BDNF: variants seen among roughly 807,000 people sequenced by gnomAD.
BDNF encodes neurotrophic factor BDNF precursor form.
Under a neutral mutation model 19.5 loss-of-function variants are expected in BDNF, and 1 was observed. That is an observed-to-expected ratio of 0.05 (90% CI 0.02 to 0.24). The LOEUF is 0.24. Ranked by LOEUF, BDNF falls within the 10% of genes least tolerant of loss-of-function variation. BDNF has a pLI of 1.00. For synonymous variants in BDNF, 100 were observed against 121.6 expected (o/e 0.82, Z 1.17); for missense variants, 195 against 317.6 (o/e 0.61, Z 2.93).
chr11:27,701,148 T>C, upstream of BDNF: 1 of 1,235,956 alleles, frequency 8.1e-7, no homozygotes, highest in Non-Finnish European at 1.1e-6. Context: ...ATAACAGCAT[T>C]TTTTATTGAT....
chr11:27,680,761 G>T (rs997074538), intron 1 of BDNF, among the ~76,000 whole-genome samples: 2 of 152,146 alleles, frequency 1.3e-5, no homozygotes, highest in Admixed American at 6.6e-5. Context: ...GCTTCTCTGG[G>T]ATAAGGACTA....
intron 1 of BDNF, among the ~76,000 whole-genome samples, chr11:27,692,203 A>G (rs1858387252): frequency 6.6e-6 from 1 of 152,250 alleles, no homozygotes; most frequent in Non-Finnish European, 1.5e-5. Context: ...TTTATGGACT[A>G]TAAATAAGGA....
chr11:27,674,378 T>TTA, intron 1 of BDNF: 3 of 1,498,354 alleles, frequency 2.0e-6, no homozygotes, highest in Non-Finnish European at 2.7e-6. Flanking sequence ...TACTTGTAGC[T>TTA]TAATGCAGGA....
chr11:27,658,780 A>AT lies in BDNF; in HGVS notation c.-21-196_-21-195insA. 1.4e-6 allele frequency: 2 copies of AT among 1,455,450 alleles called. No homozygotes were observed. Among genetic ancestry groups the AT allele is most frequent in the South Asian group, 3.0e-5 (2 of 67,382 alleles). The allele number at this position is 1,455,450 out of a possible 1,614,324, so 90.2% of individuals were successfully genotyped here. A position where few individuals can be genotyped will look rare whatever the true frequency, so the allele number is the denominator to read the frequency against. Reference sequence around the variant, plus strand: ...TGCTGTATGTGGTTTAATATAAACCAGAGACATGCAGTGTTTCCCCCAAGA... The same window carrying AT: ...TGCTGTATGTGGTTTAATATAAACCATGAGACATGCAGTGTTTCCCCCAAGA... On this transcript the variant is annotated intron_variant, in intron 1 of 1. Transcript: ENST00000356660. The surrounding 1 kb of genome is among the most constrained non-coding windows in gnomAD (Gnocchi z 5.7).
chr11:27,693,414 A>G (rs1268096337), intron 1 of BDNF, among the ~76,000 whole-genome samples: 2 of 152,228 alleles, frequency 1.3e-5, no homozygotes, highest in Non-Finnish European at 2.9e-5. Context: ...GTACTTAATC[A>G]TAGTATTTTA....
chr11:27,699,758 G>A, intron 1 of BDNF: 1 of 1,275,088 alleles, frequency 7.8e-7, no homozygotes, highest in Non-Finnish European at 1.0e-6. Flanking sequence ...CCCCCTGGAA[G>A]GATTCCTAGC....
intron 1 of BDNF, chr11:27,673,953 T>C: frequency 6.1e-6 from 8 of 1,302,028 alleles, no homozygotes; most frequent in Non-Finnish European, 8.2e-6. Context: ...GAAAGGTAAG[T>C]TGCCTCTAGA....
At chr11:27,676,012 A>G (rs1564963371) in intron 1 of BDNF, 1 of 152,216 alleles carries the variant, frequency 6.6e-6, no homozygotes, top group Non-Finnish European at 1.5e-5. Context: ...TTAGATGATG[A>G]TGGCACAAAA....
intron 1 of BDNF, chr11:27,659,507 A>G (rs1018374709): frequency 2.0e-6 from 2 of 1,000,202 alleles, no homozygotes; most frequent in African/African-American, 3.5e-5. Context: ...AATGCCTCCC[A>G]TATGCAGACT....
chr11:27,703,670 C>T (rs982648867), upstream of BDNF, among the ~76,000 whole-genome samples: 16 of 152,282 alleles, frequency 1.1e-4, no homozygotes, highest in African/African-American at 3.9e-4. Flanking sequence ...TGTGTATCTT[C>T]GCTTTCCAGT....
At chr11:27,673,885 C>T (rs1344360686) in intron 1 of BDNF, among the ~76,000 whole-genome samples, 1 of 151,992 alleles carries the variant, frequency 6.6e-6, no homozygotes, top group Non-Finnish European at 1.5e-5. Context: ...CTCTGAAATA[C>T]ATAGAGCATT....
At chr11:27,700,751 G>T (rs7944119), upstream of BDNF, 358,891 of 1,186,626 alleles carry the variant, frequency 0.3, 56,440 homozygotes, top group South Asian at 0.36. Flanking sequence ...GGACGCCCGC[G>T]GCTTCGAGGG....
In BDNF at chr11:27,658,694, GT is replaced by G. The variant is rs539045662; in HGVS notation, c.-21-110del. On this transcript the variant is annotated intron_variant, in intron 1 of 1. Coordinates refer to ENST00000356660, the MANE Select transcript of BDNF (RefSeq NM_001709.5). This position sits in a 1 kb window ranked among gnomAD's most constrained non-coding sequence, Gnocchi z 5.7. ...TTCCAGGCCATTCTGCAGGGTCAAG[GT>G]TTTTTTATGTCTTGGTGATAAACTC... is the stretch of plus-strand genomic sequence containing the variant. 16 of 1,593,370 alleles carry G rather than the reference GT, an allele frequency of 1.0e-5. 1 individual carries two copies. Among genetic ancestry groups the G allele is most frequent in the South Asian group, 7.9e-5 (7 of 88,334 alleles).
chr11:27,676,619 G>A (rs1856150841), intron 1 of BDNF, among the ~76,000 whole-genome samples: 1 of 152,210 alleles, frequency 6.6e-6, no homozygotes, highest in South Asian at 2.1e-4. Flanking sequence ...TAAGGAAAAA[G>A]TCTAGCAATA....
chr11:27,706,901 C>A (rs979664766), intron 1 of BDNF, among the ~76,000 whole-genome samples: 5 of 152,160 alleles, frequency 3.3e-5, no homozygotes, highest in African/African-American at 9.7e-5. Flanking sequence ...GCATTATTTT[C>A]AAAAGAAACA....
intron 1 of BDNF, chr11:27,719,381 T>C: frequency 1.2e-6 from 1 of 831,188 alleles, no homozygotes; most frequent in Non-Finnish European, 1.5e-6. Context: ...GCTAAAAGTG[T>C]TCTTCTCCAC....
chr11:27,697,402 C>T (rs530722993), intron 1 of BDNF: 30 of 152,328 alleles, frequency 2.0e-4, no homozygotes, highest in Admixed American at 1.3e-3. Context: ...CTTACATTTT[C>T]ATGGCGCCCC....
chr11:27,700,727 G>T, upstream of BDNF: 1 of 1,177,464 alleles, frequency 8.5e-7, no homozygotes. Context: ...CGCCCTCCTG[G>T]GGCGCCTTGG....
At position 27,721,657 on chromosome 11, in the gene BDNF, T is replaced by C. The variant is rs1307619202; in HGVS notation, c.-243A>G. 4 of 594,130 alleles carry C rather than the reference T, an allele frequency of 6.7e-6. No homozygotes were observed. In the East Asian group the frequency reaches 1.1e-4, roughly 17 times the overall value. The allele number at this position is 594,130 out of a possible 1,614,324, so 36.8% of individuals were successfully genotyped here. A position where few individuals can be genotyped will look rare whatever the true frequency, so the allele number is the denominator to read the frequency against. On this transcript the variant is annotated 5_prime_UTR_variant, in exon 1 of 2. Transcript: ENST00000314915. ...ACTGGCATCGATGTCGAAAAACCTA[T>C]AGATTTACGCAAACGCCCTCACTCC... is the stretch of plus-strand genomic sequence containing the variant.
Sources: gnomAD v4.1 joint callset for allele counts (sites outside exome capture counted in the v4.1 genomes callset) on GRCh38, gnomAD v4.1.1 for gene constraint, Gnocchi (gnomAD v3.1) non-coding constraint, MANE v1.5 for transcripts, NCBI Gene and HGNC (gene_info 2026-07-23, HGNC 2026-07-21) for gene names.